Variants in MGAT4C observed in about 807,000 individuals in gnomAD.
The protein encoded by MGAT4C is alpha-1,3-mannosyl-glycoprotein 4-beta-N-acetylglucosaminyltransferase C.
A neutral mutation model predicts 40.1 loss-of-function variants in MGAT4C; 19 were observed. The observed-to-expected ratio is 0.47, with a 90% CI of 0.33 to 0.70. The LOEUF is 0.70. Ranked by LOEUF, MGAT4C falls within the 30% of genes least tolerant of loss-of-function variation. The pLI, the probability that MGAT4C is intolerant of heterozygous loss-of-function variation, is 0.02. For missense variants in MGAT4C, 491 were observed against 563.2 expected (o/e 0.87, Z 1.30); for synonymous variants, 181 against 187.1 (o/e 0.97, Z 0.27).
chr12:86,831,609 T>C (rs1420192258), intron 1 of MGAT4C, among the ~76,000 whole-genome samples: 4 of 151,850 alleles, frequency 2.6e-5, no homozygotes, highest in Non-Finnish European at 2.9e-5. Flanking sequence ...ATAATTTCAA[T>C]GCAATGTAAT....
At chr12:86,827,703 T>C (rs1952835439) in intron 1 of MGAT4C, among the ~76,000 whole-genome samples, 1 of 151,514 alleles carries the variant, frequency 6.6e-6, no homozygotes, top group Non-Finnish European at 1.5e-5. Context: ...ATATGTTTGA[T>C]TGTCTGATAC....
At chr12:86,285,656 C>T (rs930679619) in intron 4 of MGAT4C, among the ~76,000 whole-genome samples, 28 of 144,618 alleles carry the variant, frequency 1.9e-4, no homozygotes, top group Non-Finnish European at 3.2e-4. Flanking sequence ...TTTTAGACTA[C>T]TATATGTGCT....
At chr12:86,242,192 T>C (rs893840779) in intron 1 of MGAT4C, among the ~76,000 whole-genome samples, 1 of 152,196 alleles carries the variant, frequency 6.6e-6, no homozygotes, top group African/African-American at 2.4e-5. Context: ...TTCCCTTTTA[T>C]GCAGTTAACA....
At position 85,971,085 on chromosome 12, in the gene MGAT4C, G is replaced by C. The variant is rs966342569; in HGVS notation, c.*8204C>G. 6.6e-6 allele frequency: 1 copy of C among 151,028 alleles called. No homozygotes were observed. The highest frequency in any genetic ancestry group is 2.4e-5 in the African/African-American group (1 of 41,320). 9.4% of individuals were successfully genotyped at this position (151,028 alleles called of 1,614,324 possible). ...ATTTACTGATGAAAATCAGAAGAAT[G>C]TTGAAAAATTAGTGCATTTATAATA... On this transcript the variant is annotated 3_prime_UTR_variant, in exon 5 of 5. Transcript: ENST00000611864.
At chr12:86,215,344 G>T (rs1163437577) in intron 1 of MGAT4C, among the ~76,000 whole-genome samples, 1 of 152,098 alleles carries the variant, frequency 6.6e-6, no homozygotes, top group Non-Finnish European at 1.5e-5. Context: ...AACAAATGGG[G>T]TATCTTTGCA....
At chr12:86,627,157 C>A (rs940792689) in intron 2 of MGAT4C, among the ~76,000 whole-genome samples, 8 of 3,574 alleles carry the variant, frequency 2.2e-3, no homozygotes, top group Admixed American at 5.6e-3. Context: ...AAGCAGCAAG[C>A]CTGGCTGGGG....
intron 3 of MGAT4C, among the ~76,000 whole-genome samples, chr12:86,353,607 C>T (rs559137412): frequency 1.3e-5 from 2 of 152,236 alleles, no homozygotes; most frequent in South Asian, 4.1e-4. Flanking sequence ...CAAGGTCTGT[C>T]CCACTCAAGC....
chr12:86,040,893 T>C (rs1354866099), intron 2 of MGAT4C, among the ~76,000 whole-genome samples: 1 of 151,916 alleles, frequency 6.6e-6, no homozygotes, highest in Non-Finnish European at 1.5e-5. Context: ...TGGGCCGGAG[T>C]GCATGGTACA....
chr12:86,403,096 G>A (rs893542739), intron 3 of MGAT4C, among the ~76,000 whole-genome samples: 1 of 152,152 alleles, frequency 6.6e-6, no homozygotes, highest in Admixed American at 6.5e-5. Flanking sequence ...TTGATTCAAT[G>A]CCCATTTTAT....
At chr12:86,395,755 G>A (rs78260386) in intron 3 of MGAT4C, among the ~76,000 whole-genome samples, 1,871 of 152,262 alleles carry the variant, frequency 0.012, 13 homozygotes, top group Middle Eastern at 0.041. Context: ...TTTAAAGTGA[G>A]TGTCTTCTCA....
intron 1 of MGAT4C, among the ~76,000 whole-genome samples, chr12:86,098,869 A>G (rs761848409): frequency 6.6e-6 from 1 of 151,564 alleles, no homozygotes; most frequent in Non-Finnish European, 1.5e-5. Context: ...GCAATTTTCT[A>G]TAATAATTAT....
At chr12:86,336,917 GGGCTTTGGTGTCAGACTAACA>G (rs1954802948) in intron 3 of MGAT4C, among the ~76,000 whole-genome samples, 1 of 152,120 alleles carries the variant, frequency 6.6e-6, no homozygotes, top group African/African-American at 2.4e-5. Flanking sequence ...TCACTGCCAA[GGGCTTTGGTGTCAGACTAACA>G]GGTTTTGAAA....
At chr12:86,100,032 G>GT (rs939129997) in intron 1 of MGAT4C, among the ~76,000 whole-genome samples, 2 of 151,078 alleles carry the variant, frequency 1.3e-5, no homozygotes, top group Non-Finnish European at 3.0e-5. Flanking sequence ...TACTACCTTA[G>GT]TTTTTTGAAT....
At chr12:86,671,566 TC>T (rs1964257233) in intron 2 of MGAT4C, among the ~76,000 whole-genome samples, 1 of 152,024 alleles carries the variant, frequency 6.6e-6, no homozygotes, top group Non-Finnish European at 1.5e-5. Context: ...ACACATTTGA[TC>T]TATAAAGATA....
intron 3 of MGAT4C, among the ~76,000 whole-genome samples, chr12:85,988,203 T>A (rs912780070): frequency 1.3e-5 from 2 of 152,120 alleles, no homozygotes; most frequent in African/African-American, 4.8e-5. Context: ...GTCCACAACA[T>A]CAGAATCACT....
chr12:86,451,435 C>T (rs764857678), intron 2 of MGAT4C, among the ~76,000 whole-genome samples: 6 of 152,084 alleles, frequency 3.9e-5, no homozygotes, highest in Non-Finnish European at 7.4e-5. Flanking sequence ...AATGTGAGAA[C>T]AAACTAATAC....
chr12:86,059,314 TTACA>T (rs1893706827), intron 1 of MGAT4C, among the ~76,000 whole-genome samples: 1 of 152,218 alleles, frequency 6.6e-6, no homozygotes, highest in African/African-American at 2.4e-5. Flanking sequence ...AGTGCTGGGA[TTACA>T]GGCATGAGCC....
At chr12:86,248,514 T>C (rs879460250) in intron 1 of MGAT4C, among the ~76,000 whole-genome samples, 2 of 152,122 alleles carry the variant, frequency 1.3e-5, no homozygotes, top group Non-Finnish European at 2.9e-5. Flanking sequence ...GCCAAAGTTA[T>C]CACTTGCACG....
At chr12:86,369,114 A>G (rs181106452) in intron 3 of MGAT4C, among the ~76,000 whole-genome samples, 3 of 151,932 alleles carry the variant, frequency 2.0e-5, no homozygotes, top group African/African-American at 7.2e-5. Context: ...TTATTATGTA[A>G]TATCTTTCAC....
Sources: allele counts gnomAD v4.1 joint callset (sites outside exome capture counted in the v4.1 genomes callset), GRCh38; gene constraint gnomAD v4.1.1; transcripts MANE v1.5; gene names NCBI Gene and HGNC (gene_info 2026-07-23, HGNC 2026-07-21).